The following ARHGAP20 variants were observed in gnomAD, a reference collection of about 807,000 sequenced individuals.
ARHGAP20 encodes the protein rho GTPase-activating protein 20.
A neutral mutation model predicts 73.7 loss-of-function variants in ARHGAP20; 34 were observed. The ratio of observed to expected loss-of-function variants is 0.46; its 90% CI spans 0.35 to 0.61. The LOEUF (loss-of-function observed/expected upper bound fraction) is 0.61, where lower values mean the gene tolerates loss of function less well. Ranked by LOEUF, ARHGAP20 falls within the 20% of genes least tolerant of loss-of-function variation. The pLI, the probability that ARHGAP20 is intolerant of heterozygous loss-of-function variation, is 0.00. For synonymous variants in ARHGAP20, 523 were observed against 518.2 expected, an observed-to-expected ratio of 1.01 and a Z score of -0.13; for missense variants, 1,314 against 1,420.9, an observed-to-expected ratio of 0.92 and a Z score of 1.21.
intron 2 of ARHGAP20, among the ~76,000 whole-genome samples, chr11:110,673,976 T>C (rs1453673021): frequency 6.6e-6 from 1 of 152,024 alleles, no homozygotes; most frequent in African/African-American, 2.4e-5. Flanking sequence ...TTTCGCTCTG[T>C]TGCCCAGGCT....
intron 2 of ARHGAP20, among the ~76,000 whole-genome samples, chr11:110,657,855 A>C (rs1034990652): frequency 6.6e-6 from 1 of 151,636 alleles, no homozygotes; most frequent in Non-Finnish European, 1.5e-5. Context: ...AGATCGTGCC[A>C]CTGCACTCCA....
intron 2 of ARHGAP20, among the ~76,000 whole-genome samples, chr11:110,655,766 A>G (rs951859040): frequency 1.3e-5 from 2 of 152,094 alleles, no homozygotes; most frequent in Non-Finnish European, 2.9e-5. Context: ...AGAGATGACC[A>G]AAAAAGAGGG....
intron 2 of ARHGAP20, among the ~76,000 whole-genome samples, chr11:110,684,930 G>A (rs903059821): frequency 6.6e-6 from 1 of 152,030 alleles, no homozygotes; most frequent in East Asian, 1.9e-4. Flanking sequence ...AGGGAAGTGG[G>A]GGGCAAGTCT....
In ARHGAP20 at chr11:110,577,985, T is replaced by TTTAAA; in HGVS notation, c.*1380_*1384dup. 1.0e-6 allele frequency: 1 copy of TTTAAA among 985,088 alleles called. No homozygotes were observed. The highest frequency in any genetic ancestry group is 1.1e-4 in the East Asian group (1 of 8,794). 61.0% of individuals were successfully genotyped at this position (985,088 alleles called of 1,614,324 possible). ...GTCCATCTGATGGTGAACTAAAGAG[T>TTTAAA]TTAAATAAATGGGCTCAGAGCAACT... is the stretch of plus-strand genomic sequence containing the variant. On this transcript the variant is annotated 3_prime_UTR_variant, in exon 15 of 15. Transcript: ENST00000683387.
intron 2 of ARHGAP20, among the ~76,000 whole-genome samples, chr11:110,680,542 T>C (rs1950018351): frequency 6.6e-6 from 1 of 152,098 alleles, no homozygotes; most frequent in Admixed American, 6.6e-5. Flanking sequence ...CAAATAAACA[T>C]GCACTAATGA....
In ARHGAP20 at chr11:110,606,623, C is replaced by A. The variant is rs371577495; in HGVS notation, c.902G>T (p.Arg301Leu). Residue 301 changes from arginine to leucine, a missense_variant, in exon 9 of 15, where the codon CGA becomes CTA. Transcript: ENST00000683387. ...QEPFLMEQLPREMQCQFILKP... is the reference protein window; with the variant it reads ...QEPFLMEQLPLEMQCQFILKP... ...CAGGATGAACTGGCACTGCATCTCT[C>A]GGGGGAGCTGTTCCATAAGGAAGGG... 6.2e-7 allele frequency: 1 copy of A among 1,612,432 alleles called. No homozygotes were observed. Among genetic ancestry groups the A allele is most frequent in the Non-Finnish European group, 8.5e-7 (1 of 1,179,552 alleles).
intron 2 of ARHGAP20, among the ~76,000 whole-genome samples, chr11:110,633,190 T>A (rs538159759): frequency 6.6e-6 from 1 of 152,204 alleles, no homozygotes; most frequent in South Asian, 2.1e-4. Context: ...TTTTTCTATA[T>A]GAATACTTCA....
At position 110,665,879 on chromosome 11, in the gene ARHGAP20, A is replaced by T. The variant is rs866594100; in HGVS notation, c.188+24668T>A. Among the ~76,000 whole-genome samples the T allele has an allele frequency of 6.6e-5, 10 of 152,308 alleles. No individual in the cohort carries two copies. In the South Asian group the frequency reaches 8.3e-4, roughly 13 times the overall value. ...GAAACCTAATGAATATAAGGCAAAG[A>T]TGACGTGATTGTTGCTAAGGCAGAA... On this transcript the variant is annotated intron_variant, in intron 2 of 14. Transcript: ENST00000683387.
intron 11 of ARHGAP20, among the ~76,000 whole-genome samples, chr11:110,590,308 G>A (rs1342831343): frequency 6.6e-6 from 1 of 152,140 alleles, no homozygotes. Context: ...AGAGAGTGAG[G>A]AAATCATAAG....
intron 2 of ARHGAP20, among the ~76,000 whole-genome samples, chr11:110,632,739 T>G (rs191048573): frequency 1.3e-5 from 2 of 152,328 alleles, no homozygotes; most frequent in East Asian, 3.9e-4. Flanking sequence ...TCTCTGCTAA[T>G]TTCTTTCACG....
intron 9 of ARHGAP20, among the ~76,000 whole-genome samples, chr11:110,596,861 A>T (rs1428364834): frequency 6.6e-6 from 1 of 152,194 alleles, no homozygotes. Flanking sequence ...TTGCGGCACT[A>T]TTCACAATAG....
At chr11:110,665,617 G>A (rs7939768) in intron 2 of ARHGAP20, among the ~76,000 whole-genome samples, 2,044 of 152,260 alleles carry the variant, frequency 0.013, 53 homozygotes, top group African/African-American at 0.046. Flanking sequence ...AGAAATCAAG[G>A]AGGCCAACTT....
intron 12 of ARHGAP20, among the ~76,000 whole-genome samples, chr11:110,584,952 T>C: frequency 2.2e-5 from 1 of 45,368 alleles, no homozygotes; most frequent in Middle Eastern, 0.017. Flanking sequence ...TATGAATATA[T>C]GAATATATGT....
intron 4 of ARHGAP20, among the ~76,000 whole-genome samples, chr11:110,621,098 G>C (rs1156296350): frequency 1.4e-5 from 1 of 70,390 alleles, no homozygotes; most frequent in Admixed American, 1.3e-4. Flanking sequence ...AAAAAAAAAA[G>C]CTCCACTGTC....
chr11:110,596,473 G>A (rs938742461), intron 9 of ARHGAP20, among the ~76,000 whole-genome samples: 4 of 151,912 alleles, frequency 2.6e-5, no homozygotes, highest in Non-Finnish European at 5.9e-5. Flanking sequence ...ATCAAAAAGT[G>A]GGCAAAGGAT....
intron 2 of ARHGAP20, among the ~76,000 whole-genome samples, chr11:110,665,203 T>G (rs947924316): frequency 2.0e-5 from 3 of 152,134 alleles, no homozygotes; most frequent in African/African-American, 4.8e-5. Flanking sequence ...GAAATGCAGC[T>G]AAAACAGTGT....
chr11:110,656,554 G>A (rs1949471363), intron 2 of ARHGAP20, among the ~76,000 whole-genome samples: 1 of 152,144 alleles, frequency 6.6e-6, no homozygotes. Flanking sequence ...CCCTCTCCAA[G>A]AGGCAGATGG....
At chr11:110,658,426 G>A (rs539202230) in intron 2 of ARHGAP20, among the ~76,000 whole-genome samples, 1 of 152,098 alleles carries the variant, frequency 6.6e-6, no homozygotes, top group South Asian at 2.1e-4. Flanking sequence ...TCTTCCTTAA[G>A]GTACTACAGT....
At chr11:110,693,256 C>T (rs1320638522) in intron 1 of ARHGAP20, among the ~76,000 whole-genome samples, 1 of 151,854 alleles carries the variant, frequency 6.6e-6, no homozygotes, top group Non-Finnish European at 1.5e-5. Context: ...AAACTACCAG[C>T]AGGTAGTTTG....
Sources: gnomAD v4.1 joint callset for allele counts (sites outside exome capture counted in the v4.1 genomes callset) on GRCh38, gnomAD v4.1.1 for gene constraint, MANE v1.5 for transcripts, NCBI Gene and HGNC (gene_info 2026-07-23, HGNC 2026-07-21) for gene names.